Variants in RAB7A observed in about 807,000 individuals in gnomAD.
The protein encoded by RAB7A is RAB7A, member RAS oncogene family, also known as ras-related protein Rab-7a.
A neutral mutation model predicts 24.5 loss-of-function variants in RAB7A; 2 were observed. The observed-to-expected ratio is 0.08, with a 90% CI of 0.03 to 0.26. RAB7A has a LOEUF of 0.26. Ranked by LOEUF, RAB7A falls within the 10% of genes least tolerant of loss-of-function variation. The pLI is 1.00. For synonymous variants in RAB7A, 100 were observed against 95.9 expected (o/e 1.04, Z -0.25); for missense variants, 118 against 255.7 (o/e 0.46, Z 3.67).
chr3:128,788,791 T>C (rs1400222034), intron 1 of RAB7A, among the ~76,000 whole-genome samples: 3 of 152,016 alleles, frequency 2.0e-5, no homozygotes, highest in Admixed American at 6.6e-5. Flanking sequence ...CTGGTTAACC[T>C]CTTTCTGACC....
At chr3:128,739,384 G>A (rs1356373751) in intron 1 of RAB7A, among the ~76,000 whole-genome samples, 2 of 151,858 alleles carry the variant, frequency 1.3e-5, no homozygotes, top group African/African-American at 2.4e-5. Context: ...GTGGTGGTGC[G>A]CTCCTGTAAT....
At chr3:128,806,633 C>G (rs769703097) in intron 4 of RAB7A, 43 bp downstream of exon 4, 13 of 1,563,664 alleles carry the variant, frequency 8.3e-6, no homozygotes, top group Non-Finnish European at 1.1e-5. Context: ...ACACCTGCTC[C>G]CCAGGGGCCT....
chr3:128,736,772 T>C (rs1369115492), intron 1 of RAB7A, among the ~76,000 whole-genome samples: 1 of 152,148 alleles, frequency 6.6e-6, no homozygotes, highest in Non-Finnish European at 1.5e-5. Context: ...TTAGGGTTCA[T>C]TGGCCAAAAT....
intron 1 of RAB7A, among the ~76,000 whole-genome samples, chr3:128,772,180 T>G (rs1932960549): frequency 6.6e-6 from 1 of 152,206 alleles, no homozygotes. Flanking sequence ...CAGGGAAGGA[T>G]TATCAAGACA....
chr3:128,746,461 G>C (rs772227531), intron 1 of RAB7A, among the ~76,000 whole-genome samples: 5 of 151,044 alleles, frequency 3.3e-5, no homozygotes, highest in African/African-American at 9.7e-5. Context: ...GTAGAGATGC[G>C]GTCTCACTGT....
At chr3:128,772,793 T>C (rs1249174155) in intron 1 of RAB7A, among the ~76,000 whole-genome samples, 9 of 152,248 alleles carry the variant, frequency 5.9e-5, no homozygotes, top group Admixed American at 5.2e-4. Context: ...GGTTTCGCTG[T>C]GTTGGCCGGG....
chr3:128,762,366 T>G (rs1201823639), intron 1 of RAB7A, among the ~76,000 whole-genome samples: 1 of 152,190 alleles, frequency 6.6e-6, no homozygotes, highest in Non-Finnish European at 1.5e-5. Flanking sequence ...AAGTGTTCCA[T>G]TCCCGTTTAA....
intron 1 of RAB7A, among the ~76,000 whole-genome samples, chr3:128,793,983 C>G (rs758072420): frequency 6.6e-6 from 1 of 152,182 alleles, no homozygotes; most frequent in Non-Finnish European, 1.5e-5. Flanking sequence ...CTGAAGCCAT[C>G]GAGGATGGTT....
At chr3:128,752,125 AGT>A (rs10576042) in intron 1 of RAB7A, among the ~76,000 whole-genome samples, 41,832 of 152,034 alleles carry the variant, frequency 0.28, 7,358 homozygotes, top group African/African-American at 0.5. Flanking sequence ...AGATTAATAC[AGT>A]GTGACCTCCT....
chr3:128,775,111 A>G (rs1933056780), intron 1 of RAB7A, among the ~76,000 whole-genome samples: 2 of 152,184 alleles, frequency 1.3e-5, no homozygotes, highest in Admixed American at 1.3e-4. Flanking sequence ...CTTTTCTTAA[A>G]TGTATGAGGA....
rs987444303 is a variant in RAB7A, at chr3:128,732,033, A to G, written c.-9+5674A>G. Among the ~76,000 whole-genome samples the G allele has an allele frequency of 4.9e-5, 7 of 142,476 alleles. No individual in the cohort carries two copies. The South Asian group carries it at 1.6e-3, about 32-fold the overall frequency. The allele number at this position is 142,476 out of a possible 152,430, so 93.5% of individuals were successfully genotyped here. On this transcript the variant is annotated intron_variant, in intron 1 of 5. Coordinates refer to ENST00000265062, the MANE Select transcript of RAB7A (RefSeq NM_004637.6). ...AAAAAAAAAAGTGTCTCTTTCTTCC[A>G]CTACCTTTTTTTTTTTTCTCTCTCT...
chr3:128,798,260 A>T (rs1487110887), intron 3 of RAB7A, 191 bp downstream of exon 3: 2 of 605,676 alleles, frequency 3.3e-6, no homozygotes, highest in Non-Finnish European at 5.6e-6. Flanking sequence ...CTTCTAGTGT[A>T]TCTCAGATAC....
At chr3:128,753,311 G>A (rs1282602452) in intron 1 of RAB7A, among the ~76,000 whole-genome samples, 2 of 151,768 alleles carry the variant, frequency 1.3e-5, no homozygotes, top group Admixed American at 1.3e-4. Context: ...AGCTAGAAAA[G>A]TAGATTTTAT....
chr3:128,741,046 A>G (rs2070548458), intron 1 of RAB7A, among the ~76,000 whole-genome samples: 1 of 151,834 alleles, frequency 6.6e-6, no homozygotes, highest in Non-Finnish European at 1.5e-5. Flanking sequence ...AAAAATATTA[A>G]CTACATTTTT....
intron 1 of RAB7A, among the ~76,000 whole-genome samples, chr3:128,792,912 G>A (rs1271861183): frequency 6.6e-6 from 1 of 150,930 alleles, no homozygotes; most frequent in East Asian, 2.0e-4. Context: ...GTGCAGTGGC[G>A]TGATCTCGGC....
At chr3:128,737,876 G>A (rs373099395) in intron 1 of RAB7A, among the ~76,000 whole-genome samples, 44 of 114,670 alleles carry the variant, frequency 3.8e-4, no homozygotes, top group African/African-American at 1.3e-3. Flanking sequence ...GAGTTTCACC[G>A]TGTTGCCTAG....
chr3:128,800,393 G>A (rs780596067), intron 3 of RAB7A, among the ~76,000 whole-genome samples: 2 of 152,284 alleles, frequency 1.3e-5, no homozygotes, highest in Admixed American at 6.5e-5. Flanking sequence ...GTGGGCCAGC[G>A]AATTCAGAAA....
Position 128,756,293 on chromosome 3 carries a change from C to T in RAB7A, c.-9+29934C>T, listed in dbSNP as rs147737687. Among the ~76,000 whole-genome samples, 80 of 151,590 alleles carry T rather than the reference C, an allele frequency of 5.3e-4. 1 individual carries two copies. In the East Asian group the frequency reaches 0.013, roughly 24 times the overall value. ...AGGAGAATCGCTTGAACCCAGGAGG[C>T]GGAGGTTGCAGTGAGCCGAGATTGT... On this transcript the variant is annotated intron_variant, in intron 1 of 5. Transcript: ENST00000265062.
intron 1 of RAB7A, among the ~76,000 whole-genome samples, chr3:128,789,068 C>T (rs1933399315): frequency 6.6e-6 from 1 of 152,186 alleles, no homozygotes; most frequent in Admixed American, 6.5e-5. Flanking sequence ...CCGATGCACA[C>T]TGGTGAGGTT....
Sources: gnomAD v4.1 joint callset for allele counts (sites outside exome capture counted in the v4.1 genomes callset) on GRCh38, gnomAD v4.1.1 for gene constraint, MANE v1.5 for transcripts, NCBI Gene and HGNC (gene_info 2026-07-23, HGNC 2026-07-21) for gene names.